Variants in TCF4 observed in about 807,000 individuals in gnomAD.
TCF4 encodes SL3-3 enhancer factor 2.
TCF4 carries 3 observed loss-of-function variants against 82.1 expected under a neutral mutation model. The observed-to-expected ratio is 0.04, with a 90% CI of 0.02 to 0.09. The LOEUF is 0.09. TCF4 is among the 10% of genes least tolerant of loss of function. The probability of loss-of-function intolerance (pLI) is 1.00; values close to 1 mark genes in which losing one functional copy is unlikely to be tolerated. For missense variants in TCF4, 518 were observed against 852.7 expected, an observed-to-expected ratio of 0.61 and a Z score of 4.89; for synonymous variants, 276 against 309.6, an observed-to-expected ratio of 0.89 and a Z score of 1.14.
intron 15 of TCF4, among the ~76,000 whole-genome samples, chr18:55,249,443 G>A (rs2054323929): frequency 6.6e-6 from 1 of 152,190 alleles, no homozygotes; most frequent in South Asian, 2.1e-4. Context: ...GGGATGCTGT[G>A]GAGGACAGGT....
intron 3 of TCF4, among the ~76,000 whole-genome samples, chr18:55,464,754 G>T (rs980777809): frequency 5.9e-5 from 9 of 151,748 alleles, no homozygotes; most frequent in East Asian, 3.9e-4. Flanking sequence ...ATACCATTTG[G>T]TCTATAATCC....
At chr18:55,541,630 A>G (rs2097166110) in intron 3 of TCF4, among the ~76,000 whole-genome samples, 1 of 152,006 alleles carries the variant, frequency 6.6e-6, no homozygotes, top group Non-Finnish European at 1.5e-5. Flanking sequence ...TTTACTTATA[A>G]AAGATCAAGA....
chr18:55,455,818 C>T (rs779214764), intron 5 of TCF4, among the ~76,000 whole-genome samples: 1 of 152,222 alleles, frequency 6.6e-6, no homozygotes, highest in South Asian at 2.1e-4. Context: ...GGTAACATCT[C>T]ATTCGTGCTT....
At chr18:55,477,139 T>G (rs1414368870) in intron 3 of TCF4, among the ~76,000 whole-genome samples, 1 of 152,236 alleles carries the variant, frequency 6.6e-6, no homozygotes, top group Non-Finnish European at 1.5e-5. Context: ...ACCACAATTT[T>G]TAATTATGCT....
At chr18:55,503,757 T>C (rs1419188512) in intron 3 of TCF4, among the ~76,000 whole-genome samples, 1 of 152,214 alleles carries the variant, frequency 6.6e-6, no homozygotes, top group Non-Finnish European at 1.5e-5. Flanking sequence ...GAGCAGAGAT[T>C]GGCACAGTCA....
chr18:55,445,872 A>G (rs2095516124), intron 5 of TCF4, among the ~76,000 whole-genome samples: 1 of 152,208 alleles, frequency 6.6e-6, no homozygotes, highest in Non-Finnish European at 1.5e-5. Context: ...TATTATTAAG[A>G]AAATTCATGT....
intron 3 of TCF4, among the ~76,000 whole-genome samples, chr18:55,487,879 C>T (rs2096534272): frequency 6.6e-6 from 1 of 151,836 alleles, no homozygotes; most frequent in Non-Finnish European, 1.5e-5. Context: ...GTATACAAAG[C>T]TCTCCATTTT....
At chr18:55,403,160 T>C (rs1259628204) in intron 6 of TCF4, among the ~76,000 whole-genome samples, 2 of 152,160 alleles carry the variant, frequency 1.3e-5, no homozygotes, top group African/African-American at 2.4e-5. Flanking sequence ...ACTCTTTTAA[T>C]AGAACCACTT....
At chr18:55,531,219 G>C (rs2097059392) in intron 3 of TCF4, among the ~76,000 whole-genome samples, 1 of 152,032 alleles carries the variant, frequency 6.6e-6, no homozygotes, top group Non-Finnish European at 1.5e-5. Flanking sequence ...CTCCCAAACT[G>C]CTGGGATTAC....
At chr18:55,508,997 T>A (rs1042068668) in intron 3 of TCF4, among the ~76,000 whole-genome samples, 2 of 152,224 alleles carry the variant, frequency 1.3e-5, no homozygotes, top group African/African-American at 2.4e-5. Flanking sequence ...GCAAGACTCC[T>A]GTATGTTATT....
In TCF4 at chr18:55,489,707, A is replaced by G. The variant is rs909209726; in HGVS notation, c.146-25570T>C. On this transcript the variant is annotated intron_variant, in intron 3 of 19. Coordinates refer to ENST00000354452, the MANE Select transcript of TCF4 (RefSeq NM_001083962.2). ...CTGAACACAAATAAATGCACCACACAAGAGGATGTAATTTTGAAACAGACC... is the reference window on the plus strand; with the variant it reads ...CTGAACACAAATAAATGCACCACACGAGAGGATGTAATTTTGAAACAGACC... Among the ~76,000 whole-genome samples, 30 of 152,330 alleles carry G rather than the reference A, an allele frequency of 2.0e-4. No homozygotes were observed. The South Asian group carries it at 2.1e-3, about 11-fold the overall frequency.
chr18:55,273,556 T>C (rs1457764979), intron 10 of TCF4, among the ~76,000 whole-genome samples: 4 of 152,244 alleles, frequency 2.6e-5, no homozygotes, highest in Admixed American at 1.3e-4. Flanking sequence ...GAAAGTACAA[T>C]GACAACTAGA....
intron 2 of TCF4, among the ~76,000 whole-genome samples, chr18:55,627,321 T>C (rs1444998912): frequency 6.6e-6 from 1 of 152,168 alleles, no homozygotes; most frequent in Non-Finnish European, 1.5e-5. Flanking sequence ...ATAGAATTCC[T>C]GGGAATGCAG....
At chr18:55,549,492 CT>C (rs1429206961) in intron 3 of TCF4, among the ~76,000 whole-genome samples, 1 of 152,046 alleles carries the variant, frequency 6.6e-6, no homozygotes, top group Non-Finnish European at 1.5e-5. Context: ...ATTTTATAAG[CT>C]TTTTTTACTA....
At chr18:55,447,461 G>T (rs755232922) in intron 5 of TCF4, among the ~76,000 whole-genome samples, 1 of 152,084 alleles carries the variant, frequency 6.6e-6, no homozygotes, top group Non-Finnish European at 1.5e-5. Context: ...GGGCCAAGTT[G>T]AAAGCAAGAA....
chr18:55,365,034 T>G (rs1439664190), intron 6 of TCF4, among the ~76,000 whole-genome samples: 1 of 150,690 alleles, frequency 6.6e-6, no homozygotes, highest in Non-Finnish European at 1.5e-5. Flanking sequence ...GCACCTGTAG[T>G]GCCACCTACT....
chr18:55,530,228 GA>G (rs1332424188), intron 3 of TCF4, among the ~76,000 whole-genome samples: 1 of 152,216 alleles, frequency 6.6e-6, no homozygotes, highest in Non-Finnish European at 1.5e-5. Flanking sequence ...CAGGTGATTG[GA>G]AGGAGAAAGT....
intron 8 of TCF4, among the ~76,000 whole-genome samples, chr18:55,297,036 C>T (rs1482416201): frequency 2.0e-5 from 3 of 151,762 alleles, no homozygotes; most frequent in East Asian, 1.9e-4. Context: ...ATATGTATTT[C>T]GAGAGAAGCT....
At chr18:55,528,365 C>A (rs1407888419) in intron 3 of TCF4, among the ~76,000 whole-genome samples, 1 of 152,088 alleles carries the variant, frequency 6.6e-6, no homozygotes, top group East Asian at 1.9e-4. Context: ...GAAACATCAC[C>A]ATAATCCAAA....
Sources: gnomAD v4.1 joint callset for allele counts (sites outside exome capture counted in the v4.1 genomes callset) on GRCh38, gnomAD v4.1.1 for gene constraint, MANE v1.5 for transcripts, NCBI Gene and HGNC (gene_info 2026-07-23, HGNC 2026-07-21) for gene names.